The following PJA2 variants were observed in gnomAD, a reference collection of about 807,000 sequenced individuals.
The protein encoded by PJA2 is praja ring finger ubiquitin ligase 2.
In PJA2, 25 loss-of-function variants were observed where a neutral mutation model predicts 69.3. The ratio of observed to expected loss-of-function variants is 0.36; its 90% CI spans 0.26 to 0.50. The LOEUF is 0.50. PJA2 is among the 20% of genes least tolerant of loss of function. PJA2 has a pLI of 0.96. For missense variants in PJA2, 809 were observed against 830.2 expected (o/e 0.97, Z 0.31); for synonymous variants, 308 against 277.8 (o/e 1.11, Z -1.08).
chr5:109,364,734 G>C (rs75176629), intron 5 of PJA2, among the ~76,000 whole-genome samples: 1,751 of 142,262 alleles, frequency 0.012, 70 homozygotes, highest in Admixed American at 0.077. Context: ...CAATACAAGA[G>C]AGACAAAGGG....
At chr5:109,355,819 T>G (rs1011685166) in intron 7 of PJA2, 96 bp downstream of exon 7, 31 of 788,894 alleles carry the variant, frequency 3.9e-5, no homozygotes, top group African/African-American at 1.7e-5. Context: ...GGGAAAAAGA[T>G]TCACCTTTTC....
At chr5:109,408,192 G>A (rs1403160479) in intron 1 of PJA2, among the ~76,000 whole-genome samples, 1 of 152,128 alleles carries the variant, frequency 6.6e-6, no homozygotes, top group Non-Finnish European at 1.5e-5. Flanking sequence ...GATGCAAGCA[G>A]GACTAGAAGT....
At chr5:109,368,499 G>C (rs959021118) in intron 5 of PJA2, 62 bp downstream of exon 5, 1 of 1,404,910 alleles carries the variant, frequency 7.1e-7, no homozygotes, top group Non-Finnish European at 9.7e-7. Flanking sequence ...TCCAACATTT[G>C]AATGTAAAAT....
At chr5:109,390,123 C>A (rs1003422927) in intron 1 of PJA2, among the ~76,000 whole-genome samples, 20 of 152,096 alleles carry the variant, frequency 1.3e-4, no homozygotes, top group African/African-American at 4.6e-4. Context: ...TCATACCATT[C>A]AAATTTCTTA....
intron 1 of PJA2, among the ~76,000 whole-genome samples, chr5:109,385,972 C>G (rs1747146525): frequency 6.6e-6 from 1 of 151,994 alleles, no homozygotes; most frequent in Admixed American, 6.6e-5. Flanking sequence ...CTGTTAAGTA[C>G]TGATGTGTGG....
intron 5 of PJA2, among the ~76,000 whole-genome samples, chr5:109,364,109 C>T (rs1159170581): frequency 2.0e-5 from 3 of 152,144 alleles, no homozygotes; most frequent in African/African-American, 4.8e-5. Flanking sequence ...CACCACTGCA[C>T]TCCAGCCTGG....
chr5:109,342,490 C>T (rs1428605210), intron 9 of PJA2, among the ~76,000 whole-genome samples: 53 of 127,110 alleles, frequency 4.2e-4, no homozygotes, highest in African/African-American at 1.5e-3. Flanking sequence ...GTCAGCCCCC[C>T]GCCCGGCCAG....
At chr5:109,393,294 C>T (rs538452922) in intron 1 of PJA2, among the ~76,000 whole-genome samples, 8 of 151,772 alleles carry the variant, frequency 5.3e-5, no homozygotes, top group East Asian at 3.9e-4. Context: ...CATTACACAC[C>T]GGAGATAAAA....
intron 2 of PJA2, among the ~76,000 whole-genome samples, chr5:109,382,015 T>C (rs530299125): frequency 5.3e-5 from 8 of 152,220 alleles, no homozygotes; most frequent in African/African-American, 1.9e-4. Context: ...CAAATTATTA[T>C]ACTGCCAAAG....
chr5:109,391,130 G>A (rs933069546), intron 1 of PJA2, among the ~76,000 whole-genome samples: 3 of 152,122 alleles, frequency 2.0e-5, no homozygotes, highest in African/African-American at 7.2e-5. Flanking sequence ...AACCAGTTGA[G>A]CACTGTCTGT....
chr5:109,355,553 G>C (rs781574983), intron 7 of PJA2, among the ~76,000 whole-genome samples: 3 of 152,184 alleles, frequency 2.0e-5, no homozygotes, highest in African/African-American at 4.8e-5. Context: ...GAGAAAAAAA[G>C]AGATTTGTAA....
At chr5:109,377,202 GAATT>G (rs535937136) in intron 4 of PJA2, among the ~76,000 whole-genome samples, 2 of 152,074 alleles carry the variant, frequency 1.3e-5, no homozygotes, top group South Asian at 4.1e-4. Flanking sequence ...AAAATCAAAT[GAATT>G]GTTTTATGAC....
chr5:109,345,807 T>A (rs1370367099), intron 7 of PJA2, among the ~76,000 whole-genome samples: 4 of 152,212 alleles, frequency 2.6e-5, no homozygotes, highest in African/African-American at 9.7e-5. Flanking sequence ...CTAGGTTATC[T>A]GGGTTGTGAA....
chr5:109,398,934 C>T (rs950312597), intron 1 of PJA2, among the ~76,000 whole-genome samples: 14 of 151,952 alleles, frequency 9.2e-5, no homozygotes, highest in Admixed American at 3.9e-4. Context: ...GAAATGGGGC[C>T]GGGTGCAGGG....
chr5:109,382,709 G>C (rs1008541930), intron 2 of PJA2, among the ~76,000 whole-genome samples: 1 of 152,058 alleles, frequency 6.6e-6, no homozygotes, highest in Non-Finnish European at 1.5e-5. Context: ...TTAGCCAGAC[G>C]TGGTGGCACA....
At chr5:109,343,289 AAAAGAAAGAAAG>A (rs1159225513) in intron 9 of PJA2, among the ~76,000 whole-genome samples, 10 of 59,630 alleles carry the variant, frequency 1.7e-4, no homozygotes, top group Non-Finnish European at 2.9e-4. Flanking sequence ...AAAAAAAAAA[AAAAGAAAGAAAG>A]AAAGAAAGAA....
chr5:109,344,008 A>G (rs1382634423), intron 9 of PJA2, among the ~76,000 whole-genome samples, 182 bp downstream of exon 9: 2 of 151,712 alleles, frequency 1.3e-5, no homozygotes, highest in African/African-American at 4.9e-5. Context: ...GAGGCAGGAG[A>G]ATCGCTTGAA....
At chr5:109,344,516 T>C (rs1762141673) in intron 8 of PJA2, among the ~76,000 whole-genome samples, 189 bp downstream of exon 8, 1 of 152,234 alleles carries the variant, frequency 6.6e-6, no homozygotes, top group Non-Finnish European at 1.5e-5. Flanking sequence ...AGAGGAACAT[T>C]TGTCTCAGCC....
chr5:109,381,749 T>C (rs1200468798), intron 2 of PJA2, 46 bp from the exon 3 acceptor site: 2 of 1,545,210 alleles, frequency 1.3e-6, no homozygotes, highest in Non-Finnish European at 1.8e-6. Flanking sequence ...CAATGAGCTT[T>C]ATTCTTGCAA....
Sources: gnomAD v4.1 joint callset for allele counts (sites outside exome capture counted in the v4.1 genomes callset) on GRCh38, gnomAD v4.1.1 for gene constraint, MANE v1.5 for transcripts, NCBI Gene and HGNC (gene_info 2026-07-23, HGNC 2026-07-21) for gene names.